The following UNC13B variants were observed in gnomAD, a reference collection of about 807,000 sequenced individuals.
UNC13B encodes protein unc-13 homolog B.
A neutral mutation model predicts 211.0 loss-of-function variants in UNC13B; 144 were observed. That is an observed-to-expected ratio of 0.68 (90% confidence interval 0.60 to 0.78). The LOEUF (loss-of-function observed/expected upper bound fraction) is 0.78. UNC13B is among the 30% of genes least tolerant of loss of function. The pLI is 0.00. For synonymous variants in UNC13B, 709 were observed against 725.8 expected, an observed-to-expected ratio of 0.98 and a Z score of 0.37; for missense variants, 1,777 against 2,002.0, an observed-to-expected ratio of 0.89 and a Z score of 2.14.
intron 5 of UNC13B, among the ~76,000 whole-genome samples, chr9:35,241,408 C>G (rs2131549677): frequency 6.6e-6 from 1 of 152,116 alleles, no homozygotes; most frequent in Non-Finnish European, 1.5e-5. Context: ...CTTCTTAAAA[C>G]TATTTTTGTG....
In UNC13B at chr9:35,307,833, T is replaced by A. The variant is rs954769490; in HGVS notation, c.8429T>A (p.Phe2810Tyr). 1 of 399,048 alleles carries A rather than the reference T, an allele frequency of 2.5e-6. No homozygotes were observed. The allele number at this position is 399,048 out of a possible 1,614,324, so 24.7% of individuals were successfully genotyped here. A position where few individuals can be genotyped will look rare whatever the true frequency, so the allele number is the denominator to read the frequency against. The change falls in exon 9 of 40, where the codon TTT becomes TAT. Residue 2810 changes from phenylalanine to tyrosine, a missense_variant. Physicochemically the swap from Phe to Tyr is conservative, Grantham distance 22. Transcript: ENST00000635942. ...GCAGAGACTGGTTTAATGTCCAGTT[T>A]TAAGAAGTTGTCAACTCTATTTGAG... ...RAAETGLMSS[F>Y]KKLSTLFEGS...
intron 26 of UNC13B, among the ~76,000 whole-genome samples, chr9:35,396,017 C>CCAT (rs878996790): frequency 2.0e-5 from 3 of 152,270 alleles, no homozygotes; most frequent in Admixed American, 2.0e-4. Context: ...TGTCACTGAC[C>CCAT]CATTCATGCC....
chr9:35,226,865 T>C (rs770357461), intron 1 of UNC13B, among the ~76,000 whole-genome samples: 9 of 151,966 alleles, frequency 5.9e-5, no homozygotes, highest in Admixed American at 2.0e-4. Context: ...GGAACAATAC[T>C]TTGCATCCTT....
Position 35,397,626 on chromosome 9 carries a change from T to C in UNC13B, c.11677-9T>C. 6.2e-7 allele frequency: 1 copy of C among 1,611,926 alleles called. No homozygotes were observed. Among genetic ancestry groups the C allele is most frequent in the East Asian group, 2.2e-5 (1 of 44,870 alleles). On this transcript the variant is annotated splice_polypyrimidine_tract_variant and intron_variant, in intron 29 of 39. Coordinates refer to ENST00000635942, the MANE Select transcript of UNC13B (RefSeq NM_001371189.2). ...CCCTTTCCTTTTCTTTCCTTTCTCCTCTTCTCAGACCATCGGGAAGGTGCT... is the reference window on the plus strand; with the variant it reads ...CCCTTTCCTTTTCTTTCCTTTCTCCCCTTCTCAGACCATCGGGAAGGTGCT...
chr9:35,311,983 C>T (rs1186167748), intron 10 of UNC13B, among the ~76,000 whole-genome samples: 1 of 152,150 alleles, frequency 6.6e-6, no homozygotes, highest in Non-Finnish European at 1.5e-5. Context: ...ACATTTTGGG[C>T]CAGATTATTC....
intron 6 of UNC13B, among the ~76,000 whole-genome samples, chr9:35,249,608 C>CT (rs2131584984): frequency 6.6e-6 from 1 of 152,292 alleles, no homozygotes; most frequent in South Asian, 2.1e-4. Context: ...TTCTCCTTCA[C>CT]TTATGAAGCT....
intron 37 of UNC13B, among the ~76,000 whole-genome samples, chr9:35,401,227 C>T (rs1836279071): frequency 6.6e-6 from 1 of 152,132 alleles, no homozygotes; most frequent in Non-Finnish European, 1.5e-5. Context: ...GGCGCTTAGG[C>T]ATTACTGAGC....
At chr9:35,360,636 T>A (rs887564344) in intron 11 of UNC13B, 8 of 152,336 alleles carry the variant, frequency 5.3e-5, no homozygotes, top group Admixed American at 4.6e-4. Context: ...CATTAGGTTC[T>A]TTTAAAATTT....
intron 11 of UNC13B, among the ~76,000 whole-genome samples, chr9:35,356,823 A>G (rs1833052984): frequency 6.6e-6 from 1 of 152,084 alleles, no homozygotes; most frequent in South Asian, 2.1e-4. Flanking sequence ...GTTTCTATGA[A>G]TTTGCCTATT....
chr9:35,365,616 C>T (rs1216698580), intron 11 of UNC13B, among the ~76,000 whole-genome samples: 2 of 152,180 alleles, frequency 1.3e-5, no homozygotes, highest in Non-Finnish European at 2.9e-5. Context: ...CCATAAGCAA[C>T]CTTAGAAGAC....
intron 7 of UNC13B, among the ~76,000 whole-genome samples, chr9:35,278,015 T>C (rs1010977191): frequency 6.6e-6 from 1 of 152,180 alleles, no homozygotes; most frequent in Non-Finnish European, 1.5e-5. Flanking sequence ...AAAGAACTAA[T>C]CGAGATGTGT....
intron 1 of UNC13B, among the ~76,000 whole-genome samples, chr9:35,212,376 C>T (rs1824015847): frequency 6.6e-6 from 1 of 152,158 alleles, no homozygotes; most frequent in African/African-American, 2.4e-5. Flanking sequence ...AGTTGGAGAC[C>T]AGCCTGGCCA....
In UNC13B at chr9:35,307,092, C is replaced by T. The variant is rs933157782; in HGVS notation, c.7688C>T (p.Thr2563Ile). 3 of 398,926 alleles carry T rather than the reference C, an allele frequency of 7.5e-6. No individual in the cohort carries two copies. The highest frequency in any genetic ancestry group is 6.2e-5 in the African/African-American group (3 of 48,626). The allele number at this position is 398,926 out of a possible 1,614,324, so 24.7% of individuals were successfully genotyped here. A position where few individuals can be genotyped will look rare whatever the true frequency, so the allele number is the denominator to read the frequency against. Residue 2563 changes from threonine (T) to isoleucine (I), a missense_variant, in exon 9 of 40, where the codon ACT becomes ATT. Thr to Ile is a moderately conservative substitution (Grantham distance 89). Transcript: ENST00000635942. ...AAFTALSSES[T>I]LSDCRMTVVS... is the part of the protein sequence containing the mutation. ...TTTACAGCACTAAGTTCAGAATCTA[C>T]TCTCAGTGACTGTAGAATGACTGTG...
chr9:35,234,105 A>G (rs1299056304), intron 3 of UNC13B, among the ~76,000 whole-genome samples: 3 of 152,114 alleles, frequency 2.0e-5, no homozygotes, highest in African/African-American at 7.2e-5. Context: ...ATGTATCCCC[A>G]AGCAAATTTC....
intron 6 of UNC13B, among the ~76,000 whole-genome samples, chr9:35,249,303 T>G (rs944826618): frequency 6.6e-6 from 1 of 152,228 alleles, no homozygotes; most frequent in Non-Finnish European, 1.5e-5. Context: ...TCTTGACTCT[T>G]TATCCAATTT....
rs1836110916 is a variant in UNC13B at position 35,399,214 on chromosome 9, A to G, written c.12128A>G (p.Lys4043Arg). ...AAGACGGTTCTGAAGCGTGTACTGA[A>G]GGAGCTCTGGCGCGTGGTGATGAAC... ...CEKTVLKRVL[K>R]ELWRVVMNTM... Residue 4043 changes from lysine to arginine, a missense_variant, in exon 34 of 40, where the codon AAG becomes AGG. By Grantham distance (26) the Lys-to-Arg change is conservative (BLOSUM62 2). Transcript: ENST00000635942. 1 of 1,613,984 alleles carries G rather than the reference A, an allele frequency of 6.2e-7. No individual in the cohort carries two copies. The highest frequency in any genetic ancestry group is 1.3e-5 in the African/African-American group (1 of 74,896).
intron 37 of UNC13B, among the ~76,000 whole-genome samples, chr9:35,402,425 G>A (rs1184551563): frequency 1.3e-5 from 2 of 151,940 alleles, no homozygotes; most frequent in Non-Finnish European, 2.9e-5. Flanking sequence ...GGGACTACAG[G>A]CGCCTGCCAC....
intron 1 of UNC13B, among the ~76,000 whole-genome samples, chr9:35,166,730 T>C (rs1229968108): frequency 1.3e-5 from 2 of 152,162 alleles, no homozygotes; most frequent in Non-Finnish European, 2.9e-5. Flanking sequence ...CAGTTTAGAG[T>C]GTAAAGTAGA....
rs1364595901 is a variant in UNC13B at position 35,228,036 on chromosome 9, G to T, written c.44G>T (p.Gly15Val). Reference sequence around the variant, plus strand: ...GCAGTTAAAAGGGCCAAATTCCAGGGTTCACCAGGTAAGGCCAGCTTTCTA... The same window carrying T: ...GCAGTTAAAAGGGCCAAATTCCAGGTTTCACCAGGTAAGGCCAGCTTTCTA... ...CVRVKRAKFQ[G>V]SPDKFNTYVT... The change falls in exon 2 of 40, where the codon GGT (glycine) becomes GTT (valine). Residue 15 changes from glycine (G) to valine (V), a missense_variant. Gly to Val is a moderately radical substitution (Grantham distance 109). Coordinates refer to ENST00000635942, the MANE Select transcript of UNC13B (RefSeq NM_001371189.2). The T allele has an allele frequency of 3.1e-6, 5 of 1,611,958 alleles. No individual in the cohort carries two copies. The highest frequency in any genetic ancestry group is 4.2e-6 in the Non-Finnish European group (5 of 1,179,188).
Sources: gnomAD v4.1 joint callset for allele counts (sites outside exome capture counted in the v4.1 genomes callset) on GRCh38, gnomAD v4.1.1 for gene constraint, MANE v1.5 for transcripts, NCBI Gene and HGNC (gene_info 2026-07-23, HGNC 2026-07-21) for gene names.